RYR1: variants seen among roughly 807,000 people sequenced by gnomAD.
RYR1 encodes the protein central core disease of muscle.
In RYR1, 342 loss-of-function variants were observed where a neutral mutation model predicts 583.5. The observed-to-expected ratio is 0.59, with a 90% confidence interval of 0.54 to 0.64. The LOEUF (loss-of-function observed/expected upper bound fraction) is 0.64. RYR1 is among the 30% of genes least tolerant of loss of function. The pLI, the probability that RYR1 is intolerant of heterozygous loss-of-function variation, is 0.00. For missense variants in RYR1, 6,032 were observed against 6,917.2 expected (o/e 0.87, Z 4.54); for synonymous variants, 2,791 against 2,822.5 (o/e 0.99, Z 0.35).
At chr19:38,510,834 C>T (rs1970695139) in intron 60 of RYR1, 53 bp downstream of exon 60, 2 of 1,611,872 alleles carry the variant, frequency 1.2e-6, no homozygotes, top group Non-Finnish European at 1.7e-6. Context: ...GGATTGTAAT[C>T]CTTTGCCCAT....
chr19:38,556,578 TG>T (rs1205039571), intron 89 of RYR1, among the ~76,000 whole-genome samples: 3 of 152,036 alleles, frequency 2.0e-5, no homozygotes, highest in Admixed American at 2.0e-4. Flanking sequence ...TTTATAGAGA[TG>T]GGGTCTTGCC....
At chr19:38,533,741 G>A (rs1278837409) in intron 78 of RYR1, among the ~76,000 whole-genome samples, 9 of 148,482 alleles carry the variant, frequency 6.1e-5, no homozygotes, top group South Asian at 2.2e-4. Flanking sequence ...GCAGTGAGCC[G>A]AGATCACGCC....
intron 16 of RYR1, among the ~76,000 whole-genome samples, chr19:38,457,106 C>T (rs895010753): frequency 2.0e-5 from 3 of 150,998 alleles, no homozygotes; most frequent in Non-Finnish European, 4.4e-5. Flanking sequence ...TTTGCTCCAG[C>T]CTAATACATT....
intron 89 of RYR1, among the ~76,000 whole-genome samples, chr19:38,557,384 G>A (rs993295336): frequency 3.3e-5 from 5 of 152,214 alleles, no homozygotes; most frequent in Non-Finnish European, 5.9e-5. Flanking sequence ...CGAAATACAC[G>A]AAGTAATTGC....
At chr19:38,529,379 C>A (rs889881702) in intron 76 of RYR1, among the ~76,000 whole-genome samples, 1 of 152,194 alleles carries the variant, frequency 6.6e-6, no homozygotes. Context: ...ACTCAGGAGG[C>A]TGAGGCGGAA....
At position 38,512,532 on chromosome 19, in the gene RYR1, A is replaced by G. The variant is rs1287930570; in HGVS notation, c.9472+49A>G. On this transcript the variant is annotated intron_variant, in intron 63 of 105. Coordinates refer to ENST00000359596, the MANE Select transcript of RYR1 (RefSeq NM_000540.3). This position sits in a 1 kb window ranked among gnomAD's most constrained non-coding sequence, Gnocchi z 5.1. ...AGGTTGCGGGGAGTCAGTGTGGCCA[A>G]CACCACCCATCCGGGTGCCTGTGAG... The G allele has an allele frequency of 6.5e-7, 1 of 1,544,448 alleles. No homozygotes were observed. Among genetic ancestry groups the G allele is most frequent in the Non-Finnish European group, 8.9e-7 (1 of 1,128,226 alleles).
chr19:38,579,748 C>T (rs1974114621), intron 99 of RYR1, among the ~76,000 whole-genome samples: 1 of 152,078 alleles, frequency 6.6e-6, no homozygotes, highest in Non-Finnish European at 1.5e-5. Flanking sequence ...CCAGAACATC[C>T]TTTGGCTCCC....
chr19:38,553,072 C>T (rs1972732620), intron 89 of RYR1, among the ~76,000 whole-genome samples: 1 of 152,142 alleles, frequency 6.6e-6, no homozygotes, highest in Non-Finnish European at 1.5e-5. Context: ...GTGGCTCACG[C>T]CTGTAATCTC....
chr19:38,490,625 A>G lies in RYR1; in HGVS notation c.6020A>G (p.Asn2007Ser). Residue 2007 changes from asparagine to serine, a missense_variant, in exon 37 of 106, where the codon AAT (asparagine) becomes AGT (serine). By Grantham distance (46) the Asn-to-Ser change is conservative. This residue lies in a region of RYR1 where 2,627 missense variants were observed against 2,961.3 expected (regional missense o/e 0.89). Coordinates refer to ENST00000359596, the MANE Select transcript of RYR1 (RefSeq NM_000540.3). The part of the protein sequence containing the change: ...EFRSPPQEQI[N>S]MLLQFKDGTD... ...TAATCTTTGACCTTCCCCTAGATCA[A>G]TATGCTATTGCAATTCAAAGATGGT... is the stretch of plus-strand genomic sequence containing the variant. 1 of 1,597,966 alleles carries G rather than the reference A, an allele frequency of 6.3e-7. No homozygotes were observed. The highest frequency in any genetic ancestry group is 8.6e-7 in the Non-Finnish European group (1 of 1,165,258).
chr19:38,557,576 A>G (rs181123277), intron 89 of RYR1, among the ~76,000 whole-genome samples: 186 of 152,314 alleles, frequency 1.2e-3, no homozygotes, highest in Middle Eastern at 6.8e-3. Context: ...GAAAGGCTGA[A>G]AAATGGGAAC....
intron 66 of RYR1, 132 bp downstream of exon 66, chr19:38,517,823 A>C: frequency 1.2e-6 from 1 of 851,522 alleles, no homozygotes; most frequent in Non-Finnish European, 1.9e-6. Flanking sequence ...TTCAGCATCA[A>C]AAGACCAGGG....
rs2145844700 is a variant in RYR1 at position 38,565,251 on chromosome 19, G to A, written c.12917G>A (p.Arg4306Gln). The stretch of plus-strand genomic sequence containing the variant: ...GTGGCGGCCGCAGGCCGGGCCCTGC[G>A]AGGCCTCAGCTACCGCAGCCTGCGG... ...RVVAAAGRAL[R>Q]GLSYRSLRRR... The change falls in exon 91 of 106, where the codon CGA (arginine) becomes CAA (glutamine). Residue 4306 changes from arginine (R) to glutamine (Q), a missense_variant. Arg to Gln is a conservative substitution (Grantham distance 43). Coordinates refer to ENST00000359596, the MANE Select transcript of RYR1 (RefSeq NM_000540.3). The surrounding 1 kb of genome is among the most constrained non-coding windows in gnomAD (Gnocchi z 4.7). 8 of 991,050 alleles carry A rather than the reference G, an allele frequency of 8.1e-6. No individual in the cohort carries two copies. Among genetic ancestry groups the A allele is most frequent in the Non-Finnish European group, 9.6e-6 (8 of 835,218 alleles). The allele number at this position is 991,050 out of a possible 1,614,324, so 61.4% of individuals were successfully genotyped here. A position where few individuals can be genotyped will look rare whatever the true frequency, so the allele number is the denominator to read the frequency against.
chr19:38,539,530 A>G (rs1412316056), intron 84 of RYR1, among the ~76,000 whole-genome samples: 3 of 151,746 alleles, frequency 2.0e-5, no homozygotes, highest in African/African-American at 7.3e-5. Context: ...GAGCCACCAT[A>G]CCCAGCCGGG....
chr19:38,523,238 A>G lies in RYR1; in HGVS notation c.10369A>G (p.Asn3457Asp). Residue 3457 changes from asparagine (N) to aspartate (D), a missense_variant, in exon 69 of 106, where the codon AAC becomes GAC. Transcript: ENST00000359596. Reference protein sequence around the residue: ...KSHNFKREEQNFVVQNEINNM... With the variant: ...KSHNFKREEQDFVVQNEINNM... ...CCAGAACTTCAAGCGCGAGGAGCAG[A>G]ACTTTGTGGTCCAGAATGAGATCAA... 1 of 1,614,212 alleles carries G rather than the reference A, an allele frequency of 6.2e-7. No homozygotes were observed. Among genetic ancestry groups the G allele is most frequent in the Non-Finnish European group, 8.5e-7 (1 of 1,180,036 alleles).
intron 75 of RYR1, 70 bp from the exon 76 acceptor site, chr19:38,528,881 C>A: frequency 1.3e-6 from 2 of 1,552,216 alleles, no homozygotes; most frequent in Non-Finnish European, 1.8e-6. Flanking sequence ...TCCAGACCAA[C>A]AGGGACATGG....
intron 84 of RYR1, among the ~76,000 whole-genome samples, chr19:38,539,331 C>G (rs1671509197): frequency 6.6e-6 from 1 of 151,040 alleles, no homozygotes; most frequent in East Asian, 1.9e-4. Flanking sequence ...ACCTCTGCCT[C>G]CTGGGCTCAA....
chr19:38,573,553 G>A lies in RYR1; in HGVS notation c.14129+246G>A, dbSNP rs147516633. Among the ~76,000 whole-genome samples the A allele has an allele frequency of 4.6e-5, 7 of 152,012 alleles. No homozygotes were observed. In the East Asian group the frequency reaches 7.8e-4, roughly 17 times the overall value. Reference sequence around the variant, plus strand: ...AAATTAGCTGGGCGTGGTGGCGGGCGCCTGTAATCCCAGCTACTGGGAAGG... The same window carrying A: ...AAATTAGCTGGGCGTGGTGGCGGGCACCTGTAATCCCAGCTACTGGGAAGG... On this transcript the variant is annotated intron_variant, in intron 96 of 105. Coordinates refer to ENST00000359596, the MANE Select transcript of RYR1 (RefSeq NM_000540.3).
chr19:38,445,567 C>T (rs968957532), intron 7 of RYR1, among the ~76,000 whole-genome samples: 1 of 152,140 alleles, frequency 6.6e-6, no homozygotes, highest in African/African-American at 2.4e-5. Context: ...GACCCTGAAA[C>T]TCAGACTCAT....
intron 31 of RYR1, 101 bp from the exon 32 acceptor site, chr19:38,482,926 C>T: frequency 9.8e-7 from 1 of 1,022,638 alleles, no homozygotes; most frequent in South Asian, 1.3e-5. Flanking sequence ...CCTCTAACGC[C>T]CAGATGAGGA....
Sources: allele counts gnomAD v4.1 joint callset (sites outside exome capture counted in the v4.1 genomes callset), GRCh38; gene constraint gnomAD v4.1.1; regional missense constraint gnomAD v4.1.1; non-coding constraint Gnocchi (gnomAD v3.1); transcripts MANE v1.5; gene names NCBI Gene and HGNC (gene_info 2026-07-23, HGNC 2026-07-21).